Variants in PAQR8 observed in about 807,000 individuals in gnomAD.
The protein encoded by PAQR8 is membrane progestin receptor beta.
A neutral mutation model predicts 25.2 loss-of-function variants in PAQR8; 17 were observed. That is an observed-to-expected ratio of 0.67 (90% confidence interval 0.46 to 1.01). The LOEUF (loss-of-function observed/expected upper bound fraction) is 1.01. Ranked by LOEUF, PAQR8 falls within the 50% of genes least tolerant of loss-of-function variation. PAQR8 has a pLI of 0.00. For synonymous variants in PAQR8, 204 were observed against 190.6 expected (o/e 1.07, Z -0.58); for missense variants, 392 against 448.4 (o/e 0.87, Z 1.14).
Position 52,407,108 on chromosome 6 carries a change from T to C in PAQR8, c.*2830T>C, listed in dbSNP as rs527252400. 1.2e-5 allele frequency: 2 copies of C among 166,956 alleles called. No individual in the cohort carries two copies. Among genetic ancestry groups the C allele is most frequent in the Non-Finnish European group, 2.9e-5 (2 of 68,124 alleles). The allele number at this position is 166,956 out of a possible 1,614,324, so 10.3% of individuals were successfully genotyped here. ...ATAAAGGAGATGGCTTATTCAACCA[T>C]AGCCCCTCCAACATATCTACTGGAA... On this transcript the variant is annotated 3_prime_UTR_variant, in exon 2 of 2. Coordinates refer to ENST00000442253, the MANE Select transcript of PAQR8 (RefSeq NM_133367.5).
chr6:52,390,988 G>A (rs1229089265), intron 1 of PAQR8, among the ~76,000 whole-genome samples: 1 of 152,164 alleles, frequency 6.6e-6, no homozygotes, highest in African/African-American at 2.4e-5. Context: ...AATGTTTGTT[G>A]TTAAAAAGTA....
At chr6:52,391,589 T>C (rs915896035) in intron 1 of PAQR8, among the ~76,000 whole-genome samples, 2 of 152,214 alleles carry the variant, frequency 1.3e-5, no homozygotes, top group Admixed American at 1.3e-4. Flanking sequence ...TAAAGATCAG[T>C]ATGAGCCCAG....
rs1396138161 is a variant in PAQR8 at position 52,406,529 on chromosome 6, C to A, written c.*2251C>A. On this transcript the variant is annotated 3_prime_UTR_variant, in exon 2 of 2. Transcript: ENST00000442253. ...TATTGCCATACAATTTTAATTTATA[C>A]AAGTATTGGCCCCTCAAGTGGTTGG... The A allele has an allele frequency of 7.3e-6, 3 of 413,326 alleles. No individual in the cohort carries two copies. Among genetic ancestry groups the A allele is most frequent in the African/African-American group, 6.2e-5 (3 of 48,602 alleles). 25.6% of individuals were successfully genotyped at this position (413,326 alleles called of 1,614,324 possible). A position where few individuals can be genotyped will look rare whatever the true frequency, so the allele number is the denominator to read the frequency against.
intron 1 of PAQR8, among the ~76,000 whole-genome samples, chr6:52,367,950 C>A (rs1763372041): frequency 6.6e-6 from 1 of 152,094 alleles, no homozygotes; most frequent in African/African-American, 2.4e-5. Context: ...TTTCTTTAGC[C>A]AGGTATGGTG....
Position 52,385,673 on chromosome 6 carries a change from A to G in PAQR8, c.-52-17489A>G, listed in dbSNP as rs1032138140. ...CAAGGTGGGTAGATTGCCTGAGCCCAGGAGTTTGAGACCAGCCTGGGCAAC... is the reference window on the plus strand; with the variant it reads ...CAAGGTGGGTAGATTGCCTGAGCCCGGGAGTTTGAGACCAGCCTGGGCAAC... On this transcript the variant is annotated intron_variant, in intron 1 of 1. Transcript: ENST00000442253. Among the ~76,000 whole-genome samples, 2 of 152,202 alleles carry G rather than the reference A, an allele frequency of 1.3e-5. 1 individual carries two copies. Among genetic ancestry groups the G allele is most frequent in the South Asian group, 4.1e-4 (2 of 4,830 alleles).
chr6:52,362,753 C>T lies in PAQR8; in HGVS notation c.-53+504C>T, dbSNP rs1251605159. On this transcript the variant is annotated intron_variant, in intron 1 of 1. Transcript: ENST00000442253. This position sits in a 1 kb window ranked among gnomAD's most constrained non-coding sequence, Gnocchi z 4.1. ...GGGAACGGAACCTGGGAGGGGAGTG[C>T]GGAGGAGAGGAAGCCCGGGGCGGTA... is the stretch of plus-strand genomic sequence containing the variant. Among the ~76,000 whole-genome samples the T allele has an allele frequency of 6.6e-6, 1 of 151,938 alleles. No individual in the cohort carries two copies. Among genetic ancestry groups the T allele is most frequent in the Non-Finnish European group, 1.5e-5 (1 of 67,968 alleles).
At chr6:52,383,974 C>T (rs994429611) in intron 1 of PAQR8, among the ~76,000 whole-genome samples, 1 of 151,984 alleles carries the variant, frequency 6.6e-6, no homozygotes, top group Non-Finnish European at 1.5e-5. Context: ...GAGGTTATCA[C>T]CATTAGTGTA....
chr6:52,380,991 G>T (rs780493875), intron 1 of PAQR8, among the ~76,000 whole-genome samples: 3 of 152,136 alleles, frequency 2.0e-5, no homozygotes, highest in Non-Finnish European at 2.9e-5. Context: ...CTAATAAAAA[G>T]AAGTATACTG....
At chr6:52,389,759 G>T (rs1215308032) in intron 1 of PAQR8, among the ~76,000 whole-genome samples, 1 of 152,192 alleles carries the variant, frequency 6.6e-6, no homozygotes, top group Admixed American at 6.5e-5. Flanking sequence ...ACTCTAGCTC[G>T]ATTTGTTATC....
chr6:52,373,741 T>G (rs1763448933), intron 1 of PAQR8: 1 of 151,922 alleles, frequency 6.6e-6, no homozygotes, highest in Non-Finnish European at 1.5e-5. Context: ...AGGATCTGTT[T>G]TTTTTTTTTT....
rs1360541273 is a variant in PAQR8 at position 52,404,645 on chromosome 6, A to C, written c.*367A>C. The C allele has an allele frequency of 9.6e-6, 2 of 207,390 alleles. No individual in the cohort carries two copies. The highest frequency in any genetic ancestry group is 2.2e-5 in the Non-Finnish European group (2 of 91,880). 12.8% of individuals were successfully genotyped at this position (207,390 alleles called of 1,614,324 possible). On this transcript the variant is annotated 3_prime_UTR_variant, in exon 2 of 2. Transcript: ENST00000442253. ...GGATAATAAAATTGGACTGGAAAGTAAGTAGGTGGCTGGTCCTCACCCTGT... is the reference window on the plus strand; with the variant it reads ...GGATAATAAAATTGGACTGGAAAGTCAGTAGGTGGCTGGTCCTCACCCTGT...
chr6:52,405,017 G>A lies in PAQR8; in HGVS notation c.*739G>A, dbSNP rs2048743993. On this transcript the variant is annotated 3_prime_UTR_variant, in exon 2 of 2. Coordinates refer to ENST00000442253, the MANE Select transcript of PAQR8 (RefSeq NM_133367.5). Reference sequence around the variant, plus strand: ...TTCTCATATAATACTAATCTAAACAGTACTAGAAATTACAGTGCCAAGAGC... The same window carrying A: ...TTCTCATATAATACTAATCTAAACAATACTAGAAATTACAGTGCCAAGAGC... The A allele has an allele frequency of 6.0e-6, 1 of 167,020 alleles. No homozygotes were observed. Among genetic ancestry groups the A allele is most frequent in the South Asian group, 2.1e-4 (1 of 4,832 alleles). The allele number at this position is 167,020 out of a possible 1,614,324, so 10.3% of individuals were successfully genotyped here.
intron 1 of PAQR8, among the ~76,000 whole-genome samples, chr6:52,375,273 C>T (rs549226919): frequency 5.7e-4 from 86 of 152,152 alleles, no homozygotes; most frequent in Non-Finnish European, 1.0e-3. Context: ...CTGCTCAACA[C>T]GTGATTTCAG....
At chr6:52,364,267 A>C (rs1378611675) in intron 1 of PAQR8, among the ~76,000 whole-genome samples, 1 of 152,030 alleles carries the variant, frequency 6.6e-6, no homozygotes, top group Non-Finnish European at 1.5e-5. Flanking sequence ...TAATTATGCA[A>C]GTTAACAGGA....
chr6:52,376,588 A>G (rs937603100), intron 1 of PAQR8, among the ~76,000 whole-genome samples: 4 of 152,298 alleles, frequency 2.6e-5, no homozygotes, highest in African/African-American at 7.2e-5. Context: ...GGTTAGACAA[A>G]ATATTAGATT....
At chr6:52,398,532 T>C (rs1296151690) in intron 1 of PAQR8, among the ~76,000 whole-genome samples, 1 of 146,070 alleles carries the variant, frequency 6.8e-6, no homozygotes, top group African/African-American at 2.6e-5. Context: ...GACCTTGCAC[T>C]ACCAAAGGGA....
At chr6:52,389,313 T>C (rs760891129) in intron 1 of PAQR8, among the ~76,000 whole-genome samples, 2 of 152,244 alleles carry the variant, frequency 1.3e-5, no homozygotes, top group African/African-American at 4.8e-5. Flanking sequence ...TTTTGAACAA[T>C]GATCTATTGA....
chr6:52,364,103 T>TTTTTTTTC (rs59464397), intron 1 of PAQR8, among the ~76,000 whole-genome samples: 1 of 138,960 alleles, frequency 7.2e-6, no homozygotes, highest in Non-Finnish European at 1.5e-5. Context: ...TTTTTTTTTT[T>TTTTTTTTC]GCGGGTGTGT....
At chr6:52,396,053 C>G (rs879605249) in intron 1 of PAQR8, among the ~76,000 whole-genome samples, 5 of 152,204 alleles carry the variant, frequency 3.3e-5, no homozygotes, top group Non-Finnish European at 7.3e-5. Context: ...TATAAGGTGT[C>G]TTCTATATGC....
Sources: allele counts gnomAD v4.1 joint callset (sites outside exome capture counted in the v4.1 genomes callset), GRCh38; gene constraint gnomAD v4.1.1; non-coding constraint Gnocchi (gnomAD v3.1); transcripts MANE v1.5; gene names NCBI Gene and HGNC (gene_info 2026-07-23, HGNC 2026-07-21).